Variants in GNG12 observed in about 807,000 individuals in gnomAD.
The protein encoded by GNG12 is guanine nucleotide-binding protein G(I)/G(S)/G(O) subunit gamma-12.
For missense variants in GNG12, 69 were observed against 83.8 expected, an observed-to-expected ratio of 0.82 and a Z score of 0.69; for synonymous variants, 28 against 29.7, an observed-to-expected ratio of 0.94 and a Z score of 0.19.
intron 1 of GNG12, among the ~76,000 whole-genome samples, chr1:67,830,742 G>A (rs988783895): frequency 6.6e-6 from 1 of 152,034 alleles, no homozygotes; most frequent in Non-Finnish European, 1.5e-5. Context: ...TATTCATATT[G>A]CTGTGGTAGA....
chr1:67,765,525 T>C (rs1431016846), intron 2 of GNG12, among the ~76,000 whole-genome samples: 5 of 152,208 alleles, frequency 3.3e-5, no homozygotes, highest in African/African-American at 1.2e-4. Flanking sequence ...AGCTGAATAA[T>C]CAACAAACGC....
At chr1:67,766,673 G>A (rs1646642324) in intron 2 of GNG12, among the ~76,000 whole-genome samples, 1 of 150,502 alleles carries the variant, frequency 6.6e-6, no homozygotes. Flanking sequence ...AGCCTCACAC[G>A]GGGCTCCCTC....
chr1:67,772,731 G>GC lies in GNG12; in HGVS notation c.-27+4726dup, dbSNP rs535763708. 9.2e-5 allele frequency: 14 copies of GC among 152,276 alleles called. No individual in the cohort carries two copies. In the East Asian group the frequency reaches 2.5e-3, roughly 27 times the overall value. The allele number at this position is 152,276 out of a possible 1,614,324, so 9.4% of individuals were successfully genotyped here. On this transcript the variant is annotated intron_variant, in intron 2 of 3. Coordinates refer to ENST00000370982, the MANE Select transcript of GNG12 (RefSeq NM_018841.6). ...CCTCTCTCATGGGACACATGAACAG[G>GC]CCTTAGCCAAAGTGATGCTGCTTAT...
intron 2 of GNG12, among the ~76,000 whole-genome samples, chr1:67,709,935 G>T (rs867595866): frequency 3.0e-4 from 6 of 19,742 alleles, no homozygotes; most frequent in South Asian, 1.9e-3. Flanking sequence ...TATATATATA[G>T]TTATATATAT....
intron 1 of GNG12, among the ~76,000 whole-genome samples, chr1:67,783,347 C>T (rs1032211057): frequency 3.9e-5 from 6 of 152,154 alleles, no homozygotes; most frequent in African/African-American, 1.4e-4. Context: ...ATTTCTCTGG[C>T]TTCTCTAAAT....
At chr1:67,797,938 G>C (rs1018970285) in intron 1 of GNG12, among the ~76,000 whole-genome samples, 2 of 152,118 alleles carry the variant, frequency 1.3e-5, no homozygotes, top group African/African-American at 4.8e-5. Flanking sequence ...CGGTGGTCTT[G>C]AAACCAGCCT....
chr1:67,750,205 C>T (rs1019474987), intron 2 of GNG12, among the ~76,000 whole-genome samples: 7 of 152,180 alleles, frequency 4.6e-5, no homozygotes, highest in South Asian at 2.1e-4. Context: ...TGACATTCAC[C>T]GCAGCTACTG....
At chr1:67,762,838 T>C (rs1646613608) in intron 2 of GNG12, among the ~76,000 whole-genome samples, 1 of 152,168 alleles carries the variant, frequency 6.6e-6, no homozygotes, top group South Asian at 2.1e-4. Context: ...GTTCTTCCTT[T>C]TTTAAAAAAT....
At chr1:67,817,520 T>C (rs779798548) in intron 1 of GNG12, among the ~76,000 whole-genome samples, 3 of 152,212 alleles carry the variant, frequency 2.0e-5, no homozygotes, top group Non-Finnish European at 4.4e-5. Flanking sequence ...ACCCTAACTA[T>C]GACCCCATTC....
At chr1:67,712,152 T>C (rs1247865683) in intron 2 of GNG12, among the ~76,000 whole-genome samples, 2 of 152,208 alleles carry the variant, frequency 1.3e-5, no homozygotes, top group Non-Finnish European at 1.5e-5. Flanking sequence ...CTCTGTGCCT[T>C]TGGAGGGTTT....
intron 1 of GNG12, among the ~76,000 whole-genome samples, chr1:67,791,079 A>T (rs1430837974): frequency 1.3e-5 from 2 of 152,204 alleles, no homozygotes; most frequent in Admixed American, 1.3e-4. Flanking sequence ...AGGGTAACAC[A>T]AGAGTTAATT....
At chr1:67,727,453 G>T (rs114802650) in intron 2 of GNG12, among the ~76,000 whole-genome samples, 178 of 152,312 alleles carry the variant, frequency 1.2e-3, no homozygotes, top group African/African-American at 4.3e-3. Context: ...GATTTTGGTA[G>T]ATTGAATAAA....
intron 2 of GNG12, among the ~76,000 whole-genome samples, chr1:67,708,289 G>C (rs190849331): frequency 6.6e-6 from 1 of 152,172 alleles, no homozygotes; most frequent in South Asian, 2.1e-4. Context: ...GGCACATAAG[G>C]AAGTCTTTAT....
chr1:67,705,921 C>T (rs918372626), intron 3 of GNG12, among the ~76,000 whole-genome samples: 4 of 152,114 alleles, frequency 2.6e-5, no homozygotes, highest in Non-Finnish European at 4.4e-5. Context: ...CGATCACACC[C>T]GAAGTGAGGG....
chr1:67,818,356 G>A (rs922977617), intron 1 of GNG12, among the ~76,000 whole-genome samples: 7 of 150,586 alleles, frequency 4.6e-5, no homozygotes, highest in African/African-American at 1.7e-4. Context: ...GAATCACATA[G>A]TGGGTGTGTG....
chr1:67,829,410 T>C (rs1647030548), intron 1 of GNG12, among the ~76,000 whole-genome samples: 1 of 152,264 alleles, frequency 6.6e-6, no homozygotes, highest in African/African-American at 2.4e-5. Flanking sequence ...CTAATTCTCT[T>C]ACTTTTTAAG....
At chr1:67,743,540 T>A (rs1218676060) in intron 2 of GNG12, among the ~76,000 whole-genome samples, 1 of 152,186 alleles carries the variant, frequency 6.6e-6, no homozygotes, top group Non-Finnish European at 1.5e-5. Context: ...CAGGCCAGAA[T>A]GCCTTTGCAT....
chr1:67,796,263 C>T (rs774594236), intron 1 of GNG12, among the ~76,000 whole-genome samples: 11 of 152,078 alleles, frequency 7.2e-5, no homozygotes, highest in South Asian at 2.1e-4. Context: ...GTGAAAAGCC[C>T]GACACACATA....
At chr1:67,737,921 CT>C (rs1235683829) in intron 2 of GNG12, among the ~76,000 whole-genome samples, 3 of 152,100 alleles carry the variant, frequency 2.0e-5, no homozygotes, top group Non-Finnish European at 4.4e-5. Flanking sequence ...CTCTAAGATT[CT>C]TTTCAGTGTC....
Sources: gnomAD v4.1 joint callset for allele counts (sites outside exome capture counted in the v4.1 genomes callset) on GRCh38, gnomAD v4.1.1 for gene constraint, MANE v1.5 for transcripts, NCBI Gene and HGNC (gene_info 2026-07-23, HGNC 2026-07-21) for gene names.